The following PDE3B variants were observed in gnomAD, a reference collection of about 807,000 sequenced individuals.
The protein encoded by PDE3B is cGMP-inhibited 3',5'-cyclic phosphodiesterase 3B.
PDE3B carries 66 observed loss-of-function variants against 116.8 expected under a neutral mutation model. The observed-to-expected ratio is 0.56, with a 90% CI of 0.46 to 0.69. The LOEUF is 0.69. PDE3B is among the 30% of genes least tolerant of loss of function. The pLI is 0.00. For missense variants in PDE3B, 1,384 were observed against 1,368.1 expected (o/e 1.01, Z -0.18); for synonymous variants, 595 against 533.6 (o/e 1.12, Z -1.59).
chr11:14,785,253 T>A (rs1414131399), intron 2 of PDE3B, among the ~76,000 whole-genome samples: 3 of 152,132 alleles, frequency 2.0e-5, no homozygotes, highest in Admixed American at 6.5e-5. Flanking sequence ...TTGTTCACAG[T>A]AACATATATA....
chr11:14,862,883 T>G (rs1299683905), intron 14 of PDE3B, among the ~76,000 whole-genome samples: 1 of 152,158 alleles, frequency 6.6e-6, no homozygotes, highest in Non-Finnish European at 1.5e-5. Context: ...TTCTTAAATC[T>G]TTAATTTTTT....
At chr11:14,798,796 T>C (rs1858644560) in intron 4 of PDE3B, among the ~76,000 whole-genome samples, 1 of 152,234 alleles carries the variant, frequency 6.6e-6, no homozygotes, top group Non-Finnish European at 1.5e-5. Flanking sequence ...TATCATTTTT[T>C]AATGTGTCTA....
chr11:14,725,092 C>G (rs1342313214), intron 1 of PDE3B, among the ~76,000 whole-genome samples: 2 of 152,090 alleles, frequency 1.3e-5, no homozygotes, highest in South Asian at 2.1e-4. Flanking sequence ...AGGAACAAGG[C>G]TTTTGAGGAA....
At chr11:14,745,374 T>G (rs1483824133) in intron 1 of PDE3B, among the ~76,000 whole-genome samples, 2 of 152,186 alleles carry the variant, frequency 1.3e-5, no homozygotes, top group African/African-American at 4.8e-5. Flanking sequence ...TTGTTTGTGA[T>G]CTAACTATAT....
intron 10 of PDE3B, among the ~76,000 whole-genome samples, chr11:14,834,403 G>A (rs1859988897): frequency 6.6e-6 from 1 of 152,094 alleles, no homozygotes; most frequent in Admixed American, 6.5e-5. Flanking sequence ...TCAGTTTTAG[G>A]TCTATCTGAG....
At chr11:14,648,088 G>A (rs568229460) in intron 1 of PDE3B, among the ~76,000 whole-genome samples, 79 of 151,994 alleles carry the variant, frequency 5.2e-4, no homozygotes, top group Middle Eastern at 6.8e-3. Context: ...AAAATCAGTC[G>A]TCTGCATAGA....
At chr11:14,895,117 C>T in the PDE3B span, among the ~76,000 whole-genome samples, 13 of 152,228 alleles carry the variant, frequency 8.5e-5, no homozygotes, top group African/African-American at 3.1e-4. Flanking sequence ...GTGAGATTCT[C>T]CTGGGGTCCC....
chr11:14,724,967 A>T (rs779377309), intron 1 of PDE3B, among the ~76,000 whole-genome samples: 1 of 152,240 alleles, frequency 6.6e-6, no homozygotes, highest in Non-Finnish European at 1.5e-5. Flanking sequence ...CTTTGCTGTC[A>T]TGGAACCTAA....
Position 14,644,650 on chromosome 11 carries a change from C to T in PDE3B, c.575C>T (p.Ala192Val). ...GSAAPHTPPE[A>V]AAGRLLLVLS... Reference sequence around the variant, plus strand: ...GCGGCCCCGCACACGCCCCCGGAGGCGGCAGCGGGCAGGTTGCTGCTGGTG... The same window carrying T: ...GCGGCCCCGCACACGCCCCCGGAGGTGGCAGCGGGCAGGTTGCTGCTGGTG... The change falls in exon 1 of 16, where the codon GCG becomes GTG. Residue 192 changes from alanine to valine, a missense_variant. Physicochemically the swap from Ala to Val is moderately conservative, Grantham distance 64. Transcript: ENST00000282096. The T allele has an allele frequency of 6.7e-7, 1 of 1,500,348 alleles. No homozygotes were observed. Among genetic ancestry groups the T allele is most frequent in the South Asian group, 1.3e-5 (1 of 76,000 alleles). 92.9% of individuals were successfully genotyped at this position (1,500,348 alleles called of 1,614,324 possible).
intron 1 of PDE3B, among the ~76,000 whole-genome samples, chr11:14,658,998 A>G (rs1269285314): frequency 3.3e-5 from 5 of 152,184 alleles, no homozygotes; most frequent in African/African-American, 1.2e-4. Flanking sequence ...TTGATACATA[A>G]TACTCATAAT....
chr11:14,857,079 C>T (rs1484103712), intron 12 of PDE3B, among the ~76,000 whole-genome samples: 3 of 151,958 alleles, frequency 2.0e-5, no homozygotes, highest in Non-Finnish European at 2.9e-5. Context: ...TGTATTAAAC[C>T]CCTTCTCAGA....
intron 12 of PDE3B, among the ~76,000 whole-genome samples, chr11:14,845,608 G>A (rs1847581683): frequency 6.6e-6 from 1 of 152,158 alleles, no homozygotes; most frequent in East Asian, 1.9e-4. Context: ...TTAGAAGAAT[G>A]TATAACTAGA....
intron 4 of PDE3B, among the ~76,000 whole-genome samples, chr11:14,790,828 T>C (rs749145450): frequency 6.6e-6 from 1 of 152,122 alleles, no homozygotes; most frequent in Non-Finnish European, 1.5e-5. Flanking sequence ...TAAATGTCTA[T>C]GTGTACTTTG....
intron 1 of PDE3B, among the ~76,000 whole-genome samples, chr11:14,761,418 T>C (rs1055663812): frequency 1.3e-5 from 2 of 152,178 alleles, no homozygotes; most frequent in Non-Finnish European, 2.9e-5. Context: ...ATACCTGCCA[T>C]TTTGTAGTAA....
intron 1 of PDE3B, among the ~76,000 whole-genome samples, chr11:14,743,261 G>T (rs1346328845): frequency 6.6e-6 from 1 of 152,188 alleles, no homozygotes; most frequent in East Asian, 1.9e-4. Flanking sequence ...ACCCTGCCCA[G>T]AGAGGTGGAA....
the PDE3B span, chr11:14,879,318 G>T: frequency 6.2e-7 from 1 of 1,613,046 alleles, no homozygotes. Context: ...ATCCCTAATG[G>T]AACTATATTA....
chr11:14,713,594 T>G (rs1855771336), intron 1 of PDE3B, among the ~76,000 whole-genome samples: 2 of 152,090 alleles, frequency 1.3e-5, no homozygotes, highest in African/African-American at 4.8e-5. Flanking sequence ...AGACTTGGAC[T>G]GAAACTAAAC....
chr11:14,696,408 C>G (rs1855209563), intron 1 of PDE3B, among the ~76,000 whole-genome samples: 1 of 152,098 alleles, frequency 6.6e-6, no homozygotes, highest in Non-Finnish European at 1.5e-5. Flanking sequence ...TGTATTCACC[C>G]AAAAGCATTA....
intron 1 of PDE3B, among the ~76,000 whole-genome samples, chr11:14,666,950 C>A (rs923863531): frequency 6.6e-6 from 1 of 150,954 alleles, no homozygotes; most frequent in Non-Finnish European, 1.5e-5. Flanking sequence ...ACCCAAAGGA[C>A]TATAAATCAT....
Sources: allele counts gnomAD v4.1 joint callset (sites outside exome capture counted in the v4.1 genomes callset), GRCh38; gene constraint gnomAD v4.1.1; transcripts MANE v1.5; gene names NCBI Gene and HGNC (gene_info 2026-07-23, HGNC 2026-07-21).